TGFA: variants seen among roughly 807,000 people sequenced by gnomAD.
TGFA encodes the protein protransforming growth factor alpha.
Under a neutral mutation model 21.7 loss-of-function variants are expected in TGFA, and 12 were observed. That is an observed-to-expected ratio of 0.55 (90% CI 0.35 to 0.90). The LOEUF (loss-of-function observed/expected upper bound fraction) is 0.90. Ranked by LOEUF, TGFA falls within the 40% of genes least tolerant of loss-of-function variation. TGFA has a pLI of 0.01. For missense variants in TGFA, 178 were observed against 210.8 expected, an observed-to-expected ratio of 0.84 and a Z score of 0.96; for synonymous variants, 79 against 88.1, an observed-to-expected ratio of 0.90 and a Z score of 0.58.
chr2:70,523,487 G>C (rs148992272), intron 1 of TGFA, among the ~76,000 whole-genome samples: 1 of 152,206 alleles, frequency 6.6e-6, no homozygotes, highest in Non-Finnish European at 1.5e-5. Context: ...ACCTAGTCCG[G>C]GTCTCTTACA....
At chr2:70,548,575 A>G (rs1673388455) in intron 1 of TGFA, among the ~76,000 whole-genome samples, 1 of 152,238 alleles carries the variant, frequency 6.6e-6, no homozygotes, top group African/African-American at 2.4e-5. Flanking sequence ...AGGGAACAAC[A>G]ACAACAAAAA....
At chr2:70,489,262 T>C (rs1427327766) in intron 2 of TGFA, among the ~76,000 whole-genome samples, 1 of 152,248 alleles carries the variant, frequency 6.6e-6, no homozygotes, top group African/African-American at 2.4e-5. Context: ...GGCGTTGGAA[T>C]GCTGCTCAGA....
intron 2 of TGFA, among the ~76,000 whole-genome samples, chr2:70,501,167 GTATACTTA>G (rs1401106842): frequency 6.6e-6 from 1 of 151,780 alleles, no homozygotes; most frequent in African/African-American, 2.4e-5. Context: ...ATTCCCTAAT[GTATACTTA>G]TATTGGAACA....
intron 1 of TGFA, among the ~76,000 whole-genome samples, chr2:70,517,886 A>G (rs773504759): frequency 3.4e-4 from 52 of 152,354 alleles, no homozygotes; most frequent in Non-Finnish European, 6.6e-4. Flanking sequence ...TCTCCCTGCC[A>G]TGAACAAGGT....
At chr2:70,518,842 G>C (rs563383626) in intron 1 of TGFA, among the ~76,000 whole-genome samples, 2 of 152,300 alleles carry the variant, frequency 1.3e-5, no homozygotes, top group Admixed American at 6.5e-5. Context: ...CTCTGCTGGG[G>C]CTGGGGTTTG....
At chr2:70,515,000 G>C (rs1672228928) in intron 1 of TGFA, 88 bp from the exon 2 acceptor site, 2 of 1,269,774 alleles carry the variant, frequency 1.6e-6, no homozygotes, top group Non-Finnish European at 2.2e-6. Context: ...CCTTTGACAG[G>C]CAAAGGTTCG....
chr2:70,486,404 A>C (rs1323203986), intron 2 of TGFA, among the ~76,000 whole-genome samples: 4 of 152,142 alleles, frequency 2.6e-5, no homozygotes, highest in Non-Finnish European at 5.9e-5. Context: ...CATCTAAGCA[A>C]ATTGCAACAA....
chr2:70,553,330 G>T, intron 1 of TGFA: 2 of 1,497,992 alleles, frequency 1.3e-6, no homozygotes, highest in South Asian at 1.3e-5. Context: ...GCCGGCCCCC[G>T]TTCCGAGGCG....
At chr2:70,466,545 A>C (rs1222778460) in intron 2 of TGFA, among the ~76,000 whole-genome samples, 1 of 152,100 alleles carries the variant, frequency 6.6e-6, no homozygotes, top group Admixed American at 6.6e-5. Context: ...AAACAAAAAA[A>C]CCAAAAAAAC....
chr2:70,498,182 A>G (rs1164038175), intron 2 of TGFA, among the ~76,000 whole-genome samples: 1 of 152,270 alleles, frequency 6.6e-6, no homozygotes, highest in Non-Finnish European at 1.5e-5. Flanking sequence ...AGCTGGTCTT[A>G]CCTATTGCAT....
At chr2:70,512,912 C>T (rs1440801944) in intron 2 of TGFA, among the ~76,000 whole-genome samples, 1 of 152,164 alleles carries the variant, frequency 6.6e-6, no homozygotes, top group Non-Finnish European at 1.5e-5. Flanking sequence ...CCTACCAGGT[C>T]TTAGAGTGTG....
chr2:70,551,027 A>G (rs1180194119), intron 1 of TGFA, among the ~76,000 whole-genome samples: 1 of 152,038 alleles, frequency 6.6e-6, no homozygotes, highest in Non-Finnish European at 1.5e-5. Context: ...AACTCACATA[A>G]CCTGCAATGA....
At position 70,449,706 on chromosome 2, in the gene TGFA, A is replaced by AAAAAT. The variant is rs1432921579; in HGVS notation, c.*1148_*1152dup. On this transcript the variant is annotated 3_prime_UTR_variant, in exon 6 of 6. Coordinates refer to ENST00000295400, the MANE Select transcript of TGFA (RefSeq NM_003236.4). ...ATAGCAAAGTTAAACTTCTCCTTTTAAAAATAAAGCAACAAACCAACCAAG... is the reference window on the plus strand; with the variant it reads ...ATAGCAAAGTTAAACTTCTCCTTTTAAAAATAAAATAAAGCAACAAACCAACCAAG... 5.7e-6 allele frequency: 1 copy of AAAAAT among 176,980 alleles called. No individual in the cohort carries two copies. Among genetic ancestry groups the AAAAAT allele is most frequent in the Non-Finnish European group, 1.3e-5 (1 of 79,120 alleles). 11.0% of individuals were successfully genotyped at this position (176,980 alleles called of 1,614,324 possible).
intron 3 of TGFA, among the ~76,000 whole-genome samples, chr2:70,462,476 A>C (rs782568906): frequency 9.2e-5 from 14 of 152,146 alleles, no homozygotes; most frequent in Non-Finnish European, 1.8e-4. Flanking sequence ...GACCAGTGTC[A>C]TGTTGCTGTC....
chr2:70,525,116 A>G (rs1314719540), intron 1 of TGFA, among the ~76,000 whole-genome samples: 3 of 152,208 alleles, frequency 2.0e-5, no homozygotes, highest in African/African-American at 4.8e-5. Flanking sequence ...GGGTATGAGC[A>G]GGGAGGAGGT....
chr2:70,498,795 T>A (rs1671648859), intron 2 of TGFA, among the ~76,000 whole-genome samples: 1 of 152,202 alleles, frequency 6.6e-6, no homozygotes, highest in African/African-American at 2.4e-5. Flanking sequence ...TTCACATTCA[T>A]TTGATCTTTA....
intron 1 of TGFA, among the ~76,000 whole-genome samples, chr2:70,523,087 C>T (rs145812860): frequency 6.6e-6 from 1 of 152,294 alleles, no homozygotes; most frequent in Non-Finnish European, 1.5e-5. Flanking sequence ...AACTGTCATC[C>T]TTATCCAAAG....
At chr2:70,500,437 G>T (rs1196071886) in intron 2 of TGFA, among the ~76,000 whole-genome samples, 1 of 150,610 alleles carries the variant, frequency 6.6e-6, no homozygotes, top group East Asian at 1.9e-4. Flanking sequence ...CACTCACAAA[G>T]TGATACTACT....
chr2:70,548,355 A>G (rs1214132338), intron 1 of TGFA, among the ~76,000 whole-genome samples: 2 of 152,196 alleles, frequency 1.3e-5, no homozygotes, highest in Non-Finnish European at 2.9e-5. Flanking sequence ...ACCAATCAAC[A>G]TTAATCCAAA....
Sources: allele counts gnomAD v4.1 joint callset (sites outside exome capture counted in the v4.1 genomes callset), GRCh38; gene constraint gnomAD v4.1.1; transcripts MANE v1.5; gene names NCBI Gene and HGNC (gene_info 2026-07-23, HGNC 2026-07-21).